ADA2: variants seen among roughly 807,000 people sequenced by gnomAD.
ADA2 encodes adenosine deaminase CECR1.
Under a neutral mutation model 44.2 loss-of-function variants are expected in ADA2, and 29 were observed. That is an observed-to-expected ratio of 0.66 (90% CI 0.49 to 0.89). The LOEUF (loss-of-function observed/expected upper bound fraction) is 0.89, where lower values mean the gene tolerates loss of function less well. Among genes scored for constraint, ADA2 ranks in the 40% least tolerant of loss-of-function variants. The pLI is 0.00. For synonymous variants in ADA2, 215 were observed against 234.9 expected (o/e 0.92, Z 0.77); for missense variants, 637 against 644.8 (o/e 0.99, Z 0.13).
At chr22:17,214,145 G>A (rs1036602991) in intron 1 of ADA2, 2 of 734,950 alleles carry the variant, frequency 2.7e-6, no homozygotes, top group Non-Finnish European at 2.4e-6. Flanking sequence ...CCCAGAGTCA[G>A]CTGGACGAAA....
chr22:17,193,522 G>A (rs1176290302), intron 4 of ADA2, among the ~76,000 whole-genome samples: 4 of 151,590 alleles, frequency 2.6e-5, no homozygotes, highest in African/African-American at 4.8e-5. Flanking sequence ...AAAATTAGCC[G>A]GGTGTGGTGG....
At chr22:17,192,367 T>C (rs935041821) in intron 4 of ADA2, among the ~76,000 whole-genome samples, 5 of 152,070 alleles carry the variant, frequency 3.3e-5, no homozygotes, top group African/African-American at 1.2e-4. Flanking sequence ...GAAAGAGTGA[T>C]CTGAGAATGA....
intron 1 of ADA2, among the ~76,000 whole-genome samples, chr22:17,211,458 CTCCA>C (rs2062417416): frequency 6.6e-6 from 1 of 152,066 alleles, no homozygotes; most frequent in Non-Finnish European, 1.5e-5. Context: ...CATGTTGAAA[CTCCA>C]TCTCTACAAA....
Position 17,190,037 on chromosome 22 carries a change from G to A in ADA2, c.882-5C>T, listed in dbSNP as rs1568973747. On this transcript the variant is annotated splice_region_variant and splice_polypyrimidine_tract_variant and intron_variant, in intron 5 of 9. Transcript: ENST00000399837. ...ATGACAGCCACATCTTTGGATCTGT[G>A]AGACAGACAGAGAAGCCAGGAGACA... 4 of 1,605,852 alleles carry A rather than the reference G, an allele frequency of 2.5e-6. No individual in the cohort carries two copies. Among genetic ancestry groups the A allele is most frequent in the Admixed American group, 3.3e-5 (2 of 59,984 alleles).
At chr22:17,218,325 A>G (rs2062492392) in intron 1 of ADA2, among the ~76,000 whole-genome samples, 1 of 152,204 alleles carries the variant, frequency 6.6e-6, no homozygotes, top group African/African-American at 2.4e-5. Flanking sequence ...TACATCAGAT[A>G]GCAAAGAAAA....
chr22:17,213,725 GCAATGGAAAGGATC>G (rs2062441395), intron 1 of ADA2: 1 of 244,752 alleles, frequency 4.1e-6, no homozygotes, highest in Non-Finnish European at 8.3e-6. Flanking sequence ...AGGAGAAGCG[GCAATGGAAAGGATC>G]CTCAAGAAAG....
chr22:17,188,638 G>GCTCAGGCTGGTCTAGAACTCCT, intron 6 of ADA2, 191 bp from the exon 7 acceptor site: 1 of 418,716 alleles, frequency 2.4e-6, no homozygotes, highest in Non-Finnish European at 4.3e-6. Flanking sequence ...CCAGCACTTT[G>GCTCAGGCTGGTCTAGAACTCCT]GGAGGCCGAG....
chr22:17,206,778 C>T (rs1236164223), intron 3 of ADA2, among the ~76,000 whole-genome samples: 2 of 152,080 alleles, frequency 1.3e-5, no homozygotes, highest in Admixed American at 6.6e-5. Flanking sequence ...CCTGCCTCAG[C>T]CTCCCAAGTA....
At chr22:17,204,140 C>T (rs1006529828) in intron 3 of ADA2, among the ~76,000 whole-genome samples, 1 of 152,038 alleles carries the variant, frequency 6.6e-6, no homozygotes, top group South Asian at 2.1e-4. Flanking sequence ...TTCCTATACC[C>T]ACTGACAGGA....
At chr22:17,196,301 C>T (rs1287820000) in intron 4 of ADA2, among the ~76,000 whole-genome samples, 2 of 83,834 alleles carry the variant, frequency 2.4e-5, no homozygotes, top group Non-Finnish European at 4.6e-5. Context: ...CCAGCCTAGG[C>T]AACAAAAGTG....
intron 4 of ADA2, among the ~76,000 whole-genome samples, chr22:17,201,171 T>C (rs1328081491): frequency 6.7e-6 from 1 of 149,602 alleles, no homozygotes. Flanking sequence ...ATCATACCAC[T>C]ACACTCCAGC....
At chr22:17,201,491 A>G (rs1436848768) in intron 4 of ADA2, among the ~76,000 whole-genome samples, 2 of 152,174 alleles carry the variant, frequency 1.3e-5, no homozygotes, top group Admixed American at 1.3e-4. Flanking sequence ...GCATTTGTGT[A>G]TCCGATCAAT....
intron 7 of ADA2, 47 bp downstream of exon 7, chr22:17,188,292 T>TC (rs1238130223): frequency 1.4e-6 from 2 of 1,401,080 alleles, no homozygotes; most frequent in African/African-American, 2.8e-5. Context: ...CCAGGAGCTC[T>TC]CCCATTGACC....
At chr22:17,205,538 A>C (rs1167707866) in intron 3 of ADA2, among the ~76,000 whole-genome samples, 1 of 152,176 alleles carries the variant, frequency 6.6e-6, no homozygotes, top group Non-Finnish European at 1.5e-5. Flanking sequence ...TTGTATCCCC[A>C]ACTGGCCATT....
At chr22:17,220,204 G>C (rs969446164), upstream of ADA2, among the ~76,000 whole-genome samples, 6 of 152,078 alleles carry the variant, frequency 3.9e-5, no homozygotes, top group African/African-American at 1.2e-4. Flanking sequence ...TATGTTTTAG[G>C]GGGGAAATCA....
chr22:17,190,846 C>A (rs115837315), intron 5 of ADA2, among the ~76,000 whole-genome samples: 234 of 152,332 alleles, frequency 1.5e-3, no homozygotes, highest in African/African-American at 5.2e-3. Flanking sequence ...CTAGGGGGAC[C>A]GGCACAAAGC....
At chr22:17,212,523 C>T (rs1469270218) in intron 1 of ADA2, among the ~76,000 whole-genome samples, 1 of 152,158 alleles carries the variant, frequency 6.6e-6, no homozygotes, top group African/African-American at 2.4e-5. Context: ...ATCCTCCTGC[C>T]TTGGCCTCCC....
chr22:17,199,440 T>G, intron 4 of ADA2: 1 of 1,027,938 alleles, frequency 9.7e-7, no homozygotes, highest in Non-Finnish European at 1.5e-6. Flanking sequence ...CTCTATCCTC[T>G]TCCCCTCCAC....
Position 17,188,450 on chromosome 22 carries a change from G to T in ADA2, c.973-3C>A. On this transcript the variant is annotated splice_region_variant and splice_polypyrimidine_tract_variant and intron_variant, in intron 6 of 9. Transcript: ENST00000399837. Reference sequence around the variant, plus strand: ...TGGCCAGTGTCCTCATGCCCCACCTGCAGGACAGAGAGGGACAGGGAGGTG... The same window carrying T: ...TGGCCAGTGTCCTCATGCCCCACCTTCAGGACAGAGAGGGACAGGGAGGTG... 2 of 1,601,830 alleles carry T rather than the reference G, an allele frequency of 1.2e-6. No individual in the cohort carries two copies. Among genetic ancestry groups the T allele is most frequent in the Non-Finnish European group, 1.7e-6 (2 of 1,169,056 alleles).
Sources: gnomAD v4.1 joint callset for allele counts (sites outside exome capture counted in the v4.1 genomes callset) on GRCh38, gnomAD v4.1.1 for gene constraint, MANE v1.5 for transcripts, NCBI Gene and HGNC (gene_info 2026-07-23, HGNC 2026-07-21) for gene names.